The following RFPL1 variants were observed in gnomAD, a reference collection of about 807,000 sequenced individuals.
RFPL1 encodes ret finger protein-like 1.
Under a neutral mutation model 9.6 loss-of-function variants are expected in RFPL1, and 6 were observed. That is an observed-to-expected ratio of 0.62 (90% CI 0.34 to 1.23). The LOEUF (loss-of-function observed/expected upper bound fraction) is 1.23. Ranked by LOEUF, RFPL1 falls within the 50% of genes most tolerant of loss-of-function variation. RFPL1 has a pLI of 0.03. For synonymous variants in RFPL1, 145 were observed against 149.4 expected (o/e 0.97, Z 0.22); for missense variants, 352 against 398.4 (o/e 0.88, Z 0.99).
At chr22:29,391,371 A>G in the RFPL1 span, among the ~76,000 whole-genome samples, 263 of 152,186 alleles carry the variant, frequency 1.7e-3, 4 homozygotes, top group Admixed American at 0.016. Flanking sequence ...TTTTATGTGT[A>G]TGTATGTGCC....
chr22:29,410,200 C>A, the RFPL1 span, among the ~76,000 whole-genome samples: 1 of 140,352 alleles, frequency 7.1e-6, no homozygotes, highest in African/African-American at 2.7e-5. Flanking sequence ...GCGAAGATTA[C>A]CTCTGTAAGT....
At chr22:29,390,745 G>T in the RFPL1 span, among the ~76,000 whole-genome samples, 1 of 150,996 alleles carries the variant, frequency 6.6e-6, no homozygotes, top group East Asian at 2.0e-4. Flanking sequence ...ACAGGCGCCC[G>T]CCACCACGCC....
At chr22:29,437,810 A>C, upstream of RFPL1, 18 of 1,376,634 alleles carry the variant, frequency 1.3e-5, no homozygotes, top group Non-Finnish European at 1.8e-5. Context: ...TGAATGAGAG[A>C]AATTCGTAAT....
chr22:29,429,136 G>A, the RFPL1 span, among the ~76,000 whole-genome samples: 53 of 152,082 alleles, frequency 3.5e-4, no homozygotes, highest in Non-Finnish European at 6.6e-4. Context: ...GCTCACTGCA[G>A]CCTTGGACTC....
the RFPL1 span, among the ~76,000 whole-genome samples, chr22:29,390,697 G>A: frequency 2.0e-5 from 3 of 151,644 alleles, no homozygotes; most frequent in East Asian, 4.0e-4. Context: ...CCGGGTTCAC[G>A]TCATTCTCCT....
At chr22:29,399,329 T>C in the RFPL1 span, among the ~76,000 whole-genome samples, 1 of 152,168 alleles carries the variant, frequency 6.6e-6, no homozygotes, top group Admixed American at 6.5e-5. Flanking sequence ...GCTTAGCAAG[T>C]TTAAAATTCT....
the RFPL1 span, among the ~76,000 whole-genome samples, chr22:29,410,088 T>C: frequency 1.3e-5 from 2 of 151,402 alleles, no homozygotes; most frequent in Non-Finnish European, 2.9e-5. Context: ...ACATGTTGTT[T>C]TCTACTGTCA....
exon 2 of RFPL1, chr22:29,441,612 A>G (rs753743834): frequency 6.2e-7 from 1 of 1,613,920 alleles, no homozygotes; most frequent in South Asian, 1.1e-5. Flanking sequence ...GGAGCGTCCG[A>G]AGTGGGTGCA....
At chr22:29,434,260 A>G (rs1481495557), upstream of RFPL1, among the ~76,000 whole-genome samples, 4 of 152,222 alleles carry the variant, frequency 2.6e-5, no homozygotes, top group Admixed American at 6.5e-5. Flanking sequence ...AACAACAGAC[A>G]TGGTTTCTGC....
the RFPL1 span, among the ~76,000 whole-genome samples, chr22:29,393,018 G>C: frequency 6.6e-6 from 1 of 152,208 alleles, no homozygotes; most frequent in Admixed American, 6.5e-5. Context: ...TCACTGTTGA[G>C]TATGGGAGAA....
At chr22:29,420,468 C>T in the RFPL1 span, among the ~76,000 whole-genome samples, 3 of 152,028 alleles carry the variant, frequency 2.0e-5, no homozygotes, top group Non-Finnish European at 2.9e-5. Context: ...GTAGCAGGGA[C>T]TACAGGCACG....
At chr22:29,419,309 G>A in the RFPL1 span, 2 of 856,908 alleles carry the variant, frequency 2.3e-6, no homozygotes, top group Non-Finnish European at 4.0e-6. Flanking sequence ...CCTGGCAGGG[G>A]ACAATTCCCA....
At chr22:29,427,727 G>A in the RFPL1 span, among the ~76,000 whole-genome samples, 2 of 152,174 alleles carry the variant, frequency 1.3e-5, no homozygotes, top group Non-Finnish European at 2.9e-5. Context: ...ACTGGGGGTG[G>A]GGGTGAAGGG....
the RFPL1 span, among the ~76,000 whole-genome samples, chr22:29,424,406 G>A: frequency 6.6e-6 from 1 of 152,076 alleles, no homozygotes; most frequent in African/African-American, 2.4e-5. Context: ...TTAAAGGCAG[G>A]AGCTTCACCC....
the RFPL1 span, among the ~76,000 whole-genome samples, chr22:29,397,909 G>A: frequency 3.9e-5 from 6 of 152,234 alleles, no homozygotes; most frequent in East Asian, 3.9e-4. Flanking sequence ...TGTCCAAGGG[G>A]ACAATGATGG....
In RFPL1 at chr22:29,442,048, A is replaced by C. The variant is rs771899326; in HGVS notation, c.880A>C (p.Ser294Arg). Residue 294 changes from serine (S) to arginine (R), a missense_variant, in exon 2 of 2, where the codon AGT (serine) becomes CGT (arginine). By Grantham distance (110) the Ser-to-Arg change is moderately radical. Coordinates refer to ENST00000354373, the Ensembl canonical transcript of RFPL1. The stretch of plus-strand genomic sequence containing the variant: ...TCCAAGTCCACCTAATGGTGATAAG[A>C]GTGTCTTGAGTATCTGTCCTGTGAT... The C allele has an allele frequency of 1.1e-5, 17 of 1,613,438 alleles. No individual in the cohort carries two copies. In the East Asian group the frequency reaches 3.8e-4, roughly 36 times the overall value.
chr22:29,406,841 T>C, the RFPL1 span, among the ~76,000 whole-genome samples: 4 of 152,206 alleles, frequency 2.6e-5, no homozygotes, highest in South Asian at 4.1e-4. Context: ...AAAAATAATA[T>C]GGAGACGGCA....
chr22:29,388,937 G>A, the RFPL1 span, among the ~76,000 whole-genome samples: 1 of 152,098 alleles, frequency 6.6e-6, no homozygotes, highest in African/African-American at 2.4e-5. Context: ...GCAGTGGCTC[G>A]AAGATCTGGG....
the RFPL1 span, among the ~76,000 whole-genome samples, chr22:29,406,560 CTAAA>C: frequency 2.0e-5 from 3 of 152,176 alleles, no homozygotes; most frequent in African/African-American, 2.4e-5. Context: ...ATTGTCTCAT[CTAAA>C]TAAAGGTATC....
Sources: gnomAD v4.1 joint callset for allele counts (sites outside exome capture counted in the v4.1 genomes callset) on GRCh38, gnomAD v4.1.1 for gene constraint, MANE v1.5 for transcripts, NCBI Gene and HGNC (gene_info 2026-07-23, HGNC 2026-07-21) for gene names.